PARD3B: variants seen among roughly 807,000 people sequenced by gnomAD.
The protein encoded by PARD3B is partitioning defective 3 homolog B.
A neutral mutation model predicts 130.2 loss-of-function variants in PARD3B; 103 were observed. The ratio of observed to expected loss-of-function variants is 0.79; its 90% CI spans 0.67 to 0.93. The LOEUF is 0.93. Among genes scored for constraint, PARD3B ranks in the 40% least tolerant of loss-of-function variants. The probability of loss-of-function intolerance (pLI) is 0.00; values close to 1 mark genes in which losing one functional copy is unlikely to be tolerated. For synonymous variants in PARD3B, 583 were observed against 553.2 expected (o/e 1.05, Z -0.76); for missense variants, 1,609 against 1,499.2 (o/e 1.07, Z -1.21).
At chr2:205,581,251 GATAT>G (rs1217756081) in intron 22 of PARD3B, among the ~76,000 whole-genome samples, 1 of 133,388 alleles carries the variant, frequency 7.5e-6, no homozygotes, top group Non-Finnish European at 1.5e-5. Flanking sequence ...GATATATATA[GATAT>G]ATATAGATAT....
At chr2:205,151,547 G>T (rs1019458786) in intron 10 of PARD3B, among the ~76,000 whole-genome samples, 2 of 152,044 alleles carry the variant, frequency 1.3e-5, no homozygotes, top group African/African-American at 4.8e-5. Context: ...GAACTTTGTT[G>T]GTTTAAAGTC....
intron 1 of PARD3B, among the ~76,000 whole-genome samples, chr2:204,601,200 C>A (rs1337503939): frequency 6.6e-6 from 1 of 151,940 alleles, no homozygotes; most frequent in Non-Finnish European, 1.5e-5. Flanking sequence ...AATGAACACT[C>A]TTTAATATTT....
chr2:204,777,202 T>A (rs951363633), intron 2 of PARD3B, among the ~76,000 whole-genome samples: 1 of 152,198 alleles, frequency 6.6e-6, no homozygotes. Flanking sequence ...ACTTTGATGG[T>A]TAGAAATCAT....
intron 2 of PARD3B, among the ~76,000 whole-genome samples, chr2:204,936,486 A>G (rs1688472130): frequency 6.6e-6 from 1 of 152,200 alleles, no homozygotes; most frequent in South Asian, 2.1e-4. Flanking sequence ...TTTAAAAATT[A>G]CAGTTACCAA....
At chr2:204,830,975 C>T (rs1207582054) in intron 2 of PARD3B, among the ~76,000 whole-genome samples, 1 of 152,118 alleles carries the variant, frequency 6.6e-6, no homozygotes, top group Non-Finnish European at 1.5e-5. Flanking sequence ...TGGCATGTAC[C>T]TATTATACTA....
At chr2:205,200,960 A>G (rs1453144965) in intron 15 of PARD3B, among the ~76,000 whole-genome samples, 2 of 152,314 alleles carry the variant, frequency 1.3e-5, no homozygotes, top group East Asian at 3.9e-4. Flanking sequence ...GGCCATCCCC[A>G]GAGCTAGTTC....
chr2:204,831,988 C>T (rs890726236), intron 2 of PARD3B, among the ~76,000 whole-genome samples: 8 of 151,986 alleles, frequency 5.3e-5, no homozygotes, highest in East Asian at 3.9e-4. Flanking sequence ...TTTGGGAGGC[C>T]GAGATGGGCG....
chr2:204,847,040 A>T (rs1440136603), intron 2 of PARD3B, among the ~76,000 whole-genome samples: 1 of 152,138 alleles, frequency 6.6e-6, no homozygotes, highest in African/African-American at 2.4e-5. Context: ...GTTCAAGAAT[A>T]GAGTAGTCAT....
chr2:205,158,593 A>G lies in PARD3B; in HGVS notation c.1435-129A>G. The G allele has an allele frequency of 1.1e-6, 1 of 926,550 alleles. No homozygotes were observed. The highest frequency in any genetic ancestry group is 1.6e-6 in the Non-Finnish European group (1 of 612,514). 57.4% of individuals were successfully genotyped at this position (926,550 alleles called of 1,614,324 possible). ...CTAAACCCAGCCTTTGCCTGCCAGG[A>G]GCCGATTACAGCTGTGAGAGGTCCA... is the stretch of plus-strand genomic sequence containing the variant. On this transcript the variant is annotated intron_variant, in intron 10 of 22. Coordinates refer to ENST00000406610, the MANE Select transcript of PARD3B (RefSeq NM_001302769.2). This position sits in a 1 kb window ranked among gnomAD's most constrained non-coding sequence, Gnocchi z 5.4.
chr2:205,191,075 G>GAAAAAAAAAAAAAAAAA (rs5837960), intron 14 of PARD3B, among the ~76,000 whole-genome samples: 1 of 97,746 alleles, frequency 1.0e-5, no homozygotes. Context: ...GAAAGAAATA[G>GAAAAAAAAAAAAAAAAA]AAAAAAAAAA....
chr2:204,585,272 T>C (rs1180345248), intron 1 of PARD3B, among the ~76,000 whole-genome samples: 4 of 152,178 alleles, frequency 2.6e-5, no homozygotes, highest in African/African-American at 9.6e-5. Context: ...CTGTGGTCTT[T>C]CTAATGTACT....
At chr2:205,322,974 G>A (rs1367523791) in intron 18 of PARD3B, among the ~76,000 whole-genome samples, 1 of 118,272 alleles carries the variant, frequency 8.5e-6, no homozygotes, top group Non-Finnish European at 1.6e-5. Flanking sequence ...GCAGAGGCAT[G>A]ATCTCAGCTC....
intron 15 of PARD3B, among the ~76,000 whole-genome samples, chr2:205,217,852 G>A (rs1374868138): frequency 7.8e-5 from 5 of 64,286 alleles, no homozygotes; most frequent in Admixed American, 1.8e-4. Context: ...ATATGTGTGT[G>A]TGTGTGTGTG....
At chr2:205,223,896 A>C (rs1032806380) in intron 15 of PARD3B, among the ~76,000 whole-genome samples, 1 of 152,242 alleles carries the variant, frequency 6.6e-6, no homozygotes, top group South Asian at 2.1e-4. Context: ...TGTCCATCAC[A>C]TCAAGCATTT....
chr2:204,646,608 G>A (rs1444385989), intron 1 of PARD3B, among the ~76,000 whole-genome samples: 1 of 151,936 alleles, frequency 6.6e-6, no homozygotes, highest in Non-Finnish European at 1.5e-5. Context: ...ATACCAGTGT[G>A]TACATACATT....
rs1159538146 is a variant in PARD3B, at chr2:205,550,825, T to C, written c.3181-2499T>C. On this transcript the variant is annotated intron_variant, in intron 21 of 22. Transcript: ENST00000406610. This position sits in a 1 kb window ranked among gnomAD's most constrained non-coding sequence, Gnocchi z 4.5. ...ATGCATATTTATATGTATATATGTA[T>C]ATTTTATGTATATTTGAATATTTTA... Among the ~76,000 whole-genome samples the C allele has an allele frequency of 6.7e-6, 1 of 148,792 alleles. No individual in the cohort carries two copies. The highest frequency in any genetic ancestry group is 1.5e-5 in the Non-Finnish European group (1 of 67,180).
chr2:205,172,277 A>C lies in PARD3B; in HGVS notation c.1687A>C (p.Asn563His), dbSNP rs1485412164. ...TGGGGAATCTCTTTTGGGAAAGTCC[A>C]ACCACGAAGCTATGGAAACACTTAG... ...VNGESLLGKS[N>H]HEAMETLRRS... Residue 563 changes from asparagine to histidine, a missense_variant, in exon 12 of 23, where the codon AAC becomes CAC. Asn to His is a moderately conservative substitution (Grantham distance 68). Transcript: ENST00000406610. 1.9e-6 allele frequency: 3 copies of C among 1,614,182 alleles called. No individual in the cohort carries two copies. The highest frequency in any genetic ancestry group is 2.5e-6 in the Non-Finnish European group (3 of 1,180,028).
At chr2:204,614,325 T>TAA (rs141266070) in intron 1 of PARD3B, among the ~76,000 whole-genome samples, 5,274 of 152,264 alleles carry the variant, frequency 0.035, 244 homozygotes, top group East Asian at 0.13. Context: ...TTTTTTATAC[T>TAA]GTCTTTAAAA....
At chr2:205,213,789 A>G (rs115826479) in intron 15 of PARD3B, among the ~76,000 whole-genome samples, 1,754 of 152,254 alleles carry the variant, frequency 0.012, 31 homozygotes, top group African/African-American at 0.038. Flanking sequence ...TATTTAAGGA[A>G]GGAACCAAAC....
Sources: gnomAD v4.1 joint callset for allele counts (sites outside exome capture counted in the v4.1 genomes callset) on GRCh38, gnomAD v4.1.1 for gene constraint, Gnocchi (gnomAD v3.1) non-coding constraint, MANE v1.5 for transcripts, NCBI Gene and HGNC (gene_info 2026-07-23, HGNC 2026-07-21) for gene names.